Variants in LRP8 observed in about 807,000 individuals in gnomAD.
The protein encoded by LRP8 is LDL receptor related protein 8, also known as low-density lipoprotein receptor-related protein 8.
Under a neutral mutation model 111.6 loss-of-function variants are expected in LRP8, and 46 were observed. That is an observed-to-expected ratio of 0.41 (90% CI 0.33 to 0.53). The LOEUF is 0.53. Ranked by LOEUF, LRP8 falls within the 20% of genes least tolerant of loss-of-function variation. LRP8 has a pLI of 0.20. For missense variants in LRP8, 959 were observed against 1,297.4 expected, an observed-to-expected ratio of 0.74 and a Z score of 4.01; for synonymous variants, 464 against 511.2, an observed-to-expected ratio of 0.91 and a Z score of 1.24.
chr1:53,292,384 G>T (rs1388223384), intron 2 of LRP8, among the ~76,000 whole-genome samples: 1 of 152,234 alleles, frequency 6.6e-6, no homozygotes, highest in African/African-American at 2.4e-5. Flanking sequence ...AATACAGCAT[G>T]GCAGGGATAA....
At chr1:53,325,871 C>T (rs1035052097) in intron 2 of LRP8, among the ~76,000 whole-genome samples, 4 of 152,264 alleles carry the variant, frequency 2.6e-5, no homozygotes, top group South Asian at 2.1e-4. Flanking sequence ...TGAATGACTG[C>T]CCGGGTCTAT....
In LRP8 at chr1:53,271,305, T is replaced by A; in HGVS notation, c.1048A>T (p.Ile350Phe). Residue 350 changes from isoleucine (I) to phenylalanine (F), a missense_variant, in exon 7 of 19, where the codon ATC (isoleucine) becomes TTC (phenylalanine). This residue lies in a region of LRP8 where 819 missense variants were observed against 1,097.6 expected (regional missense o/e 0.75). Transcript: ENST00000306052. ...AAGCCAATCTTGAGGTCAGTGCAGATGTGTGAGCAGCCGCCATTGTTGTGC... is the reference window on the plus strand; with the variant it reads ...AAGCCAATCTTGAGGTCAGTGCAGAAGTGTGAGCAGCCGCCATTGTTGTGC... ...CLHNNGGCSH[I>F]CTDLKIGFEC... 1 of 1,613,884 alleles carries A rather than the reference T, an allele frequency of 6.2e-7. No homozygotes were observed. The highest frequency in any genetic ancestry group is 8.5e-7 in the Non-Finnish European group (1 of 1,179,964).
At chr1:53,302,817 G>A (rs990200999) in intron 2 of LRP8, among the ~76,000 whole-genome samples, 4 of 149,318 alleles carry the variant, frequency 2.7e-5, no homozygotes, top group Admixed American at 6.7e-5. Flanking sequence ...AGCTTCCCAA[G>A]TAGCTGGGAC....
intron 15 of LRP8, among the ~76,000 whole-genome samples, chr1:53,256,129 T>A (rs531685654): frequency 6.6e-6 from 1 of 152,358 alleles, no homozygotes; most frequent in South Asian, 2.1e-4. Flanking sequence ...TTCCCTTAGA[T>A]CCTCCTGACA....
rs189454198 is a variant in LRP8 at position 53,260,415 on chromosome 1, A to G, written c.2056+49T>C. 5.6e-4 allele frequency: 889 copies of G among 1,593,738 alleles called. 5 individuals carry two copies. In the African/African-American group the frequency reaches 0.01, roughly 18 times the overall value. ...AGCCTGCCTGGTGAAAGGAGAGGAC[A>G]CAGTGACACAGTCAGGGGACCTGGG... On this transcript the variant is annotated intron_variant, in intron 13 of 18. Transcript: ENST00000306052.
At chr1:53,299,340 C>T (rs936701956) in intron 2 of LRP8, among the ~76,000 whole-genome samples, 1 of 152,182 alleles carries the variant, frequency 6.6e-6, no homozygotes, top group African/African-American at 2.4e-5. Flanking sequence ...AGGAAGCAGC[C>T]CTGGCTAGTG....
rs769844865 is a variant in LRP8, at chr1:53,303,253, A to AT, written c.245-13565dup. ...GGCCGGGGGCAGACAGGCAAGGGGCATGGCTTAGCTGGAAAAGCATCTGGG... is the reference window on the plus strand; with the variant it reads ...GGCCGGGGGCAGACAGGCAAGGGGCATTGGCTTAGCTGGAAAAGCATCTGGG... On this transcript the variant is annotated intron_variant, in intron 2 of 18. Transcript: ENST00000306052. The surrounding 1 kb of genome is among the most constrained non-coding windows in gnomAD (Gnocchi z 4.3). Among the ~76,000 whole-genome samples, 1 of 152,184 alleles carries AT rather than the reference A, an allele frequency of 6.6e-6. No homozygotes were observed. The highest frequency in any genetic ancestry group is 1.5e-5 in the Non-Finnish European group (1 of 68,030).
In LRP8 at chr1:53,262,920, T is replaced by C. The variant is rs1377747261; in HGVS notation, c.1656-356A>G. Among the ~76,000 whole-genome samples the C allele has an allele frequency of 2.6e-5, 4 of 152,210 alleles. No individual in the cohort carries two copies. The highest frequency in any genetic ancestry group is 4.8e-5 in the African/African-American group (2 of 41,446). On this transcript the variant is annotated intron_variant, in intron 10 of 18. Transcript: ENST00000306052. This position sits in a 1 kb window ranked among gnomAD's most constrained non-coding sequence, Gnocchi z 4.8. ...TTCTGGTTTCAGAGGAGAAAGTGGA[T>C]GAGCTTCCTAACTCAGGTAACCCTC...
At chr1:53,295,457 T>G (rs1310410093) in intron 2 of LRP8, among the ~76,000 whole-genome samples, 1 of 152,046 alleles carries the variant, frequency 6.6e-6, no homozygotes, top group African/African-American at 2.4e-5. Context: ...TGGCTTTCCT[T>G]GAGCTTGCCC....
chr1:53,286,259 T>G (rs1401503032), intron 3 of LRP8, among the ~76,000 whole-genome samples: 1 of 152,146 alleles, frequency 6.6e-6, no homozygotes, highest in South Asian at 2.1e-4. Flanking sequence ...TACACCAAGT[T>G]CCTTCAGTCA....
intron 16 of LRP8, among the ~76,000 whole-genome samples, chr1:53,253,959 AT>A (rs1416493435): frequency 3.9e-5 from 6 of 152,064 alleles, no homozygotes; most frequent in Non-Finnish European, 8.8e-5. Context: ...TAAAGTCTTT[AT>A]TTTTTTCTTC....
At chr1:53,271,710 G>A (rs532614764) in intron 6 of LRP8, among the ~76,000 whole-genome samples, 8 of 152,182 alleles carry the variant, frequency 5.3e-5, no homozygotes, top group South Asian at 2.1e-4. Flanking sequence ...CTCCTTCCTC[G>A]TGACCTCAGA....
chr1:53,308,254 C>T (rs1652355642), intron 2 of LRP8, among the ~76,000 whole-genome samples: 1 of 152,238 alleles, frequency 6.6e-6, no homozygotes, highest in South Asian at 2.1e-4. Flanking sequence ...ACGGGATGTT[C>T]ACAGAGCACA....
intron 8 of LRP8, among the ~76,000 whole-genome samples, chr1:53,269,297 C>G (rs1482132095): frequency 6.6e-6 from 1 of 151,924 alleles, no homozygotes; most frequent in Non-Finnish European, 1.5e-5. Flanking sequence ...ACCTCCCTCA[C>G]TCCCTTTTTA....
At chr1:53,260,262 C>T (rs1316124677) in intron 13 of LRP8, among the ~76,000 whole-genome samples, 1 of 152,108 alleles carries the variant, frequency 6.6e-6, no homozygotes, top group East Asian at 1.9e-4. Context: ...TCATTTATAC[C>T]CAGCCTTATT....
Position 53,301,807 on chromosome 1 carries a change from G to A in LRP8, c.245-12118C>T, listed in dbSNP as rs576409275. Among the ~76,000 whole-genome samples the A allele has an allele frequency of 5.7e-4, 87 of 152,156 alleles. 1 individual carries two copies. The highest frequency in any genetic ancestry group is 2.0e-3 in the African/African-American group (85 of 41,514). ...ACCAGAACGCAGGTTGTTTCATCCC[G>A]AATGCTGTGCAAGCAAAGGAAAAAG... is the stretch of plus-strand genomic sequence containing the variant. On this transcript the variant is annotated intron_variant, in intron 2 of 18. Transcript: ENST00000306052.
chr1:53,244,328 A>T lies in LRP8; in HGVS notation c.*2690T>A, dbSNP rs183641775. 5 of 152,336 alleles carry T rather than the reference A, an allele frequency of 3.3e-5. No homozygotes were observed. The East Asian group carries it at 9.6e-4, about 29-fold the overall frequency. The allele number at this position is 152,336 out of a possible 1,614,324, so 9.4% of individuals were successfully genotyped here. ...CTGATAAATTTTCTGCCCCCTTGGC[A>T]TTGTCTCTGAGCTTCCTTCCAGCTC... On this transcript the variant is annotated 3_prime_UTR_variant, in exon 19 of 19. Transcript: ENST00000306052.
At chr1:53,286,402 T>A (rs1647557261) in intron 3 of LRP8, among the ~76,000 whole-genome samples, 1 of 151,996 alleles carries the variant, frequency 6.6e-6, no homozygotes, top group Non-Finnish European at 1.5e-5. Flanking sequence ...CCCTCCCAGG[T>A]GGAAAGGTTC....
rs958718793 is a variant in LRP8, at chr1:53,275,161, C to A, written c.1006+470G>T. Reference sequence around the variant, plus strand: ...TCCTGGGGGGACTTTGCCCCATGGACCCCGGATAGGGGAAGTTGCTACACT... The same window carrying A: ...TCCTGGGGGGACTTTGCCCCATGGAACCCGGATAGGGGAAGTTGCTACACT... On this transcript the variant is annotated intron_variant, in intron 6 of 18. Transcript: ENST00000306052. This position sits in a 1 kb window ranked among gnomAD's most constrained non-coding sequence, Gnocchi z 4.4. 6.6e-6 allele frequency among the ~76,000 whole-genome samples: 1 copy of A among 152,188 alleles called. No individual in the cohort carries two copies. Among genetic ancestry groups the A allele is most frequent in the Non-Finnish European group, 1.5e-5 (1 of 68,022 alleles).
Sources: gnomAD v4.1 joint callset for allele counts (sites outside exome capture counted in the v4.1 genomes callset) on GRCh38, gnomAD v4.1.1 for gene constraint, gnomAD v4.1.1 regional missense constraint, Gnocchi (gnomAD v3.1) non-coding constraint, MANE v1.5 for transcripts, NCBI Gene and HGNC (gene_info 2026-07-23, HGNC 2026-07-21) for gene names.